GRIA1: variants seen among roughly 807,000 people sequenced by gnomAD.
The protein encoded by GRIA1 is glutamate receptor 1.
In GRIA1, 31 loss-of-function variants were observed where a neutral mutation model predicts 99.2. That is an observed-to-expected ratio of 0.31 (90% CI 0.23 to 0.42). The LOEUF (loss-of-function observed/expected upper bound fraction) is 0.42. Among genes scored for constraint, GRIA1 ranks in the 10% least tolerant of loss-of-function variants. The probability of loss-of-function intolerance (pLI) is 1.00; values close to 1 mark genes in which losing one functional copy is unlikely to be tolerated. For synonymous variants in GRIA1, 438 were observed against 432.4 expected (o/e 1.01, Z -0.16); for missense variants, 782 against 1,157.5 (o/e 0.68, Z 4.71).
At chr5:153,623,842 A>T (rs2149425795) in intron 2 of GRIA1, among the ~76,000 whole-genome samples, 1 of 152,336 alleles carries the variant, frequency 6.6e-6, no homozygotes, top group East Asian at 1.9e-4. Flanking sequence ...TAAGGCAATG[A>T]TGATAATAAA....
At chr5:153,580,344 G>T (rs2131564) in intron 2 of GRIA1, among the ~76,000 whole-genome samples, 1 of 152,110 alleles carries the variant, frequency 6.6e-6, no homozygotes, top group Non-Finnish European at 1.5e-5. Flanking sequence ...AGGGATTTGG[G>T]CAAGGTAAAT....
chr5:153,493,247 A>G (rs1249199751), intron 1 of GRIA1, among the ~76,000 whole-genome samples: 1 of 152,256 alleles, frequency 6.6e-6, no homozygotes, highest in South Asian at 2.1e-4. Context: ...GCAATCCCTT[A>G]TGTAACAAGT....
intron 2 of GRIA1, among the ~76,000 whole-genome samples, chr5:153,576,376 G>A (rs1561656078): frequency 1.3e-5 from 2 of 152,214 alleles, no homozygotes; most frequent in East Asian, 3.8e-4. Flanking sequence ...TGGGAGAAGA[G>A]ATGAGAAGGT....
At chr5:153,580,278 G>T (rs867973881) in intron 2 of GRIA1, among the ~76,000 whole-genome samples, 6 of 152,040 alleles carry the variant, frequency 3.9e-5, no homozygotes, top group African/African-American at 9.7e-5. Flanking sequence ...TGTGACCTTG[G>T]GTCTGACCTC....
intron 11 of GRIA1, among the ~76,000 whole-genome samples, chr5:153,721,936 T>C (rs1760101001): frequency 6.6e-6 from 1 of 152,200 alleles, no homozygotes; most frequent in Admixed American, 6.5e-5. Flanking sequence ...CAAACTGTTT[T>C]CAGAAGTAGC....
intron 2 of GRIA1, among the ~76,000 whole-genome samples, chr5:153,496,675 T>C (rs2113208473): frequency 6.6e-6 from 1 of 152,296 alleles, no homozygotes; most frequent in African/African-American, 2.4e-5. Flanking sequence ...AAACTTTACA[T>C]CTGTCCCAAT....
chr5:153,677,882 C>T (rs1756702445), intron 7 of GRIA1, among the ~76,000 whole-genome samples: 1 of 152,156 alleles, frequency 6.6e-6, no homozygotes, highest in Non-Finnish European at 1.5e-5. Context: ...TCTTGGGGCT[C>T]CTGTAGATCT....
chr5:153,738,530 T>C (rs1761547414), intron 11 of GRIA1, among the ~76,000 whole-genome samples: 2 of 152,112 alleles, frequency 1.3e-5, no homozygotes, highest in Non-Finnish European at 2.9e-5. Flanking sequence ...CACTTAAATA[T>C]GGAGCCCTCA....
In GRIA1 at chr5:153,738,720, C is replaced by CTTTTTTTT. The variant is rs55874747; in HGVS notation, c.1824-25703_1824-25696dup. ...TGTTGCGTGTTCATCTCCATACCTTCTTTTTTTTTTTTTTTTTTGGAGAAG... is the reference window on the plus strand; with the variant it reads ...TGTTGCGTGTTCATCTCCATACCTTCTTTTTTTTTTTTTTTTTTTTTTTTTTGGAGAAG... On this transcript the variant is annotated intron_variant, in intron 11 of 15. Coordinates refer to ENST00000285900, the MANE Select transcript of GRIA1 (RefSeq NM_000827.4). Among the ~76,000 whole-genome samples the CTTTTTTTT allele has an allele frequency of 5.7e-4, 58 of 102,332 alleles. 1 individual carries two copies. The highest frequency in any genetic ancestry group is 2.3e-3 in the East Asian group (6 of 2,580). The allele number at this position is 102,332 out of a possible 152,430, so 67.1% of individuals were successfully genotyped here.
At chr5:153,663,861 A>C (rs1311645240) in intron 5 of GRIA1, among the ~76,000 whole-genome samples, 2 of 152,216 alleles carry the variant, frequency 1.3e-5, no homozygotes, top group East Asian at 3.8e-4. Flanking sequence ...CTGTTCTATT[A>C]ATCTCAAGCA....
intron 13 of GRIA1, among the ~76,000 whole-genome samples, chr5:153,772,762 T>C (rs1763965513): frequency 2.0e-5 from 3 of 152,174 alleles, no homozygotes; most frequent in Non-Finnish European, 4.4e-5. Context: ...CAGAAACTTA[T>C]TGATCATCAG....
chr5:153,705,875 T>C lies in GRIA1; in HGVS notation c.1631T>C (p.Val544Ala). The change falls in exon 11 of 16, where the codon GTT becomes GCT. Residue 544 changes from valine (V) to alanine (A), a missense_variant. Around this residue, in one of 5 missense-constraint regions of GRIA1, gnomAD observed 87 missense variants for 184.5 expected, o/e 0.47. Transcript: ENST00000285900. ...PLAYEIWMCI[V>A]FAYIGVSVVL... ...GCTTATGAGATTTGGATGTGCATTG[T>C]TTTTGCCTACATTGGAGTGAGTGTT... 1 of 1,613,908 alleles carries C rather than the reference T, an allele frequency of 6.2e-7. No individual in the cohort carries two copies. Among genetic ancestry groups the C allele is most frequent in the African/African-American group, 1.3e-5 (1 of 74,934 alleles).
chr5:153,654,941 C>A (rs552629819), intron 4 of GRIA1, among the ~76,000 whole-genome samples: 6 of 152,156 alleles, frequency 3.9e-5, no homozygotes, highest in Admixed American at 6.6e-5. Context: ...AACTTCTGGG[C>A]AGTTCTTTCC....
At chr5:153,512,737 AG>A (rs892128168) in intron 2 of GRIA1, among the ~76,000 whole-genome samples, 5 of 152,190 alleles carry the variant, frequency 3.3e-5, no homozygotes, top group Admixed American at 6.5e-5. Flanking sequence ...TGTTCTCTCC[AG>A]CATCCGTTGA....
chr5:153,505,892 A>G (rs1050243345), intron 2 of GRIA1, among the ~76,000 whole-genome samples: 2 of 152,250 alleles, frequency 1.3e-5, no homozygotes, highest in African/African-American at 4.8e-5. Context: ...TAAGTGGTCA[A>G]AGAAGGCATT....
At chr5:153,704,874 T>C (rs1004344480) in intron 10 of GRIA1, among the ~76,000 whole-genome samples, 3 of 152,216 alleles carry the variant, frequency 2.0e-5, no homozygotes, top group African/African-American at 7.2e-5. Flanking sequence ...TGTTTGTGTG[T>C]TTCAATGTCT....
At chr5:153,648,185 G>A (rs1217981056) in intron 3 of GRIA1, among the ~76,000 whole-genome samples, 2 of 152,070 alleles carry the variant, frequency 1.3e-5, no homozygotes, top group Non-Finnish European at 2.9e-5. Context: ...TCGTTCAGAT[G>A]GGAAGGAGCC....
At chr5:153,756,343 G>A (rs1008496122) in intron 11 of GRIA1, among the ~76,000 whole-genome samples, 2 of 152,004 alleles carry the variant, frequency 1.3e-5, no homozygotes, top group Admixed American at 1.3e-4. Context: ...GGGCTACTGG[G>A]GTGAGCTCAC....
At chr5:153,756,229 C>T (rs1762817430) in intron 11 of GRIA1, among the ~76,000 whole-genome samples, 1 of 152,210 alleles carries the variant, frequency 6.6e-6, no homozygotes, top group Non-Finnish European at 1.5e-5. Context: ...GATTCCATCC[C>T]ACAGCAGATC....
Sources: allele counts gnomAD v4.1 joint callset (sites outside exome capture counted in the v4.1 genomes callset), GRCh38; gene constraint gnomAD v4.1.1; regional missense constraint gnomAD v4.1.1; transcripts MANE v1.5; gene names NCBI Gene and HGNC (gene_info 2026-07-23, HGNC 2026-07-21).